Variants in ADAM29 observed in about 807,000 individuals in gnomAD.
ADAM29 encodes disintegrin and metalloproteinase domain-containing protein 29.
For missense variants in ADAM29, 969 were observed against 1,001.8 expected (o/e 0.97, Z 0.44); for synonymous variants, 367 against 342.3 (o/e 1.07, Z -0.80).
At chr4:174,964,078 G>A (rs549650218) in intron 4 of ADAM29, among the ~76,000 whole-genome samples, 1 of 151,950 alleles carries the variant, frequency 6.6e-6, no homozygotes, top group Non-Finnish European at 1.5e-5. Flanking sequence ...TATTATCTAG[G>A]ATAATAAAAT....
At chr4:174,949,759 T>C (rs1579045875) in intron 4 of ADAM29, among the ~76,000 whole-genome samples, 1 of 152,084 alleles carries the variant, frequency 6.6e-6, no homozygotes, top group East Asian at 1.9e-4. Flanking sequence ...TGAACCACCA[T>C]TATTCTTGCA....
chr4:174,960,413 G>T (rs1335090247), intron 4 of ADAM29, among the ~76,000 whole-genome samples: 1 of 151,976 alleles, frequency 6.6e-6, no homozygotes, highest in Non-Finnish European at 1.5e-5. Flanking sequence ...TATTATCAAA[G>T]TATATTCACT....
intron 3 of ADAM29, among the ~76,000 whole-genome samples, chr4:174,935,629 A>G (rs1182180063): frequency 6.6e-6 from 1 of 152,096 alleles, no homozygotes; most frequent in Non-Finnish European, 1.5e-5. Context: ...TAGGCAAGTT[A>G]ATCTGGTTGA....
At chr4:174,937,054 G>A (rs1326514603) in intron 4 of ADAM29, 41 bp downstream of exon 4, 1 of 151,902 alleles carries the variant, frequency 6.6e-6, no homozygotes, top group African/African-American at 2.4e-5. Context: ...GTACAAGGGG[G>A]TTTTAATTTC....
At chr4:174,936,578 T>G (rs1021087361) in intron 3 of ADAM29, among the ~76,000 whole-genome samples, 19 of 152,016 alleles carry the variant, frequency 1.2e-4, no homozygotes, top group African/African-American at 4.3e-4. Context: ...AACATTGCAG[T>G]TAAAAACTAC....
chr4:174,924,494 A>G (rs557719458), intron 2 of ADAM29, among the ~76,000 whole-genome samples: 1 of 152,358 alleles, frequency 6.6e-6, no homozygotes, highest in East Asian at 1.9e-4. Flanking sequence ...TTATGTCTAC[A>G]CAAAAACCTG....
intron 4 of ADAM29, among the ~76,000 whole-genome samples, chr4:174,969,699 A>G (rs187179280): frequency 7.2e-4 from 110 of 152,190 alleles, no homozygotes; most frequent in Non-Finnish European, 1.1e-3. Context: ...TACATTTCAA[A>G]ATAAACACCA....
intron 3 of ADAM29, among the ~76,000 whole-genome samples, chr4:174,935,744 T>C (rs1744166111): frequency 6.6e-6 from 1 of 152,094 alleles, no homozygotes; most frequent in South Asian, 2.1e-4. Context: ...TCATTATTCA[T>C]TCAGCAATTA....
Position 174,975,935 on chromosome 4 carries a change from A to G in ADAM29, c.410A>G (p.Lys137Arg). The G allele has an allele frequency of 6.2e-7, 1 of 1,614,064 alleles. No individual in the cohort carries two copies. Among genetic ancestry groups the G allele is most frequent in the South Asian group, 1.1e-5 (1 of 91,038 alleles). Residue 137 changes from lysine to arginine, a missense_variant, in exon 5 of 5, where the codon AAG (lysine) becomes AGG (arginine). Lys to Arg is a conservative substitution (Grantham distance 26). Transcript: ENST00000359240. Reference sequence around the variant, plus strand: ...ATAAATGACTTTGCTTATGAAATCAAGCCCCTAGCATTTTCTACCACGTTT... The same window carrying G: ...ATAAATGACTTTGCTTATGAAATCAGGCCCCTAGCATTTTCTACCACGTTT... ...LQINDFAYEIKPLAFSTTFEH... is the reference protein window; with the variant it reads ...LQINDFAYEIRPLAFSTTFEH...
chr4:174,920,777 A>G lies in ADAM29; in HGVS notation c.-466A>G, dbSNP rs1743118895. 1 of 152,182 alleles carries G rather than the reference A, an allele frequency of 6.6e-6. No homozygotes were observed. Among genetic ancestry groups the G allele is most frequent in the Non-Finnish European group, 1.5e-5 (1 of 68,028 alleles). The allele number at this position is 152,182 out of a possible 1,614,324, so 9.4% of individuals were successfully genotyped here. A position where few individuals can be genotyped will look rare whatever the true frequency, so the allele number is the denominator to read the frequency against. Reference sequence around the variant, plus strand: ...CATGATTTCGAAAAGCTTCAGAGAAAATAAAGATGCTTAATGTAAGTATCT... The same window carrying G: ...CATGATTTCGAAAAGCTTCAGAGAAGATAAAGATGCTTAATGTAAGTATCT... On this transcript the variant is annotated 5_prime_UTR_variant, in exon 2 of 5. Coordinates refer to ENST00000359240, the MANE Select transcript of ADAM29 (RefSeq NM_014269.4).
intron 4 of ADAM29, among the ~76,000 whole-genome samples, chr4:174,967,826 C>G (rs1407121305): frequency 6.6e-6 from 1 of 152,146 alleles, no homozygotes; most frequent in African/African-American, 2.4e-5. Context: ...AAGACAAAAA[C>G]AATCGCACAA....
In ADAM29 at chr4:174,975,829, T is replaced by C. The variant is rs1287659160; in HGVS notation, c.304T>C (p.Tyr102His). ...DQPFVQNNCY[Y>H]HGYVEGDPES... Reference sequence around the variant, plus strand: ...GCCATTTGTCCAGAATAACTGCTACTATCATGGTTATGTGGAAGGGGACCC... The same window carrying C: ...GCCATTTGTCCAGAATAACTGCTACCATCATGGTTATGTGGAAGGGGACCC... Residue 102 changes from tyrosine to histidine, a missense_variant, in exon 5 of 5, where the codon TAT (tyrosine) becomes CAT (histidine). Transcript: ENST00000359240. The C allele has an allele frequency of 1.9e-6, 3 of 1,614,196 alleles. No individual in the cohort carries two copies. The highest frequency in any genetic ancestry group is 3.3e-5 in the Admixed American group (2 of 60,022).
intron 4 of ADAM29, among the ~76,000 whole-genome samples, chr4:174,963,746 G>A (rs1319870097): frequency 6.6e-6 from 1 of 152,084 alleles, no homozygotes; most frequent in Non-Finnish European, 1.5e-5. Context: ...GCAGTGGCAC[G>A]ATCTCGGCTC....
At chr4:174,972,745 C>T (rs1050556121) in intron 4 of ADAM29, among the ~76,000 whole-genome samples, 2 of 152,138 alleles carry the variant, frequency 1.3e-5, no homozygotes, top group Non-Finnish European at 2.9e-5. Flanking sequence ...CCTCTCAGAG[C>T]TCTAAGACTG....
At chr4:174,957,448 C>T (rs1389510859) in intron 4 of ADAM29, among the ~76,000 whole-genome samples, 1 of 151,786 alleles carries the variant, frequency 6.6e-6, no homozygotes, top group Non-Finnish European at 1.5e-5. Context: ...CCTCCTTCTG[C>T]TTTAAGATAT....
chr4:174,972,440 A>G (rs972541749), intron 4 of ADAM29, among the ~76,000 whole-genome samples: 2 of 152,064 alleles, frequency 1.3e-5, no homozygotes, highest in African/African-American at 4.8e-5. Flanking sequence ...CTGGGGTGGG[A>G]AACTATTGTA....
At chr4:174,962,841 T>A (rs2111067757) in intron 4 of ADAM29, among the ~76,000 whole-genome samples, 1 of 152,324 alleles carries the variant, frequency 6.6e-6, no homozygotes, top group East Asian at 1.9e-4. Flanking sequence ...TAATCATGAT[T>A]TCCTAGTATA....
intron 4 of ADAM29, among the ~76,000 whole-genome samples, chr4:174,963,013 G>A (rs542082677): frequency 1.3e-5 from 2 of 152,100 alleles, no homozygotes; most frequent in Non-Finnish European, 1.5e-5. Flanking sequence ...TTAGTGTTTT[G>A]TGCTTCCTGA....
intron 4 of ADAM29, among the ~76,000 whole-genome samples, chr4:174,944,545 T>G (rs1316922192): frequency 6.6e-6 from 1 of 152,190 alleles, no homozygotes; most frequent in African/African-American, 2.4e-5. Flanking sequence ...AACTTTTCTT[T>G]AGCTTCAGGG....
Sources: allele counts gnomAD v4.1 joint callset (sites outside exome capture counted in the v4.1 genomes callset), GRCh38; gene constraint gnomAD v4.1.1; transcripts MANE v1.5; gene names NCBI Gene and HGNC (gene_info 2026-07-23, HGNC 2026-07-21).